THEMIS: variants seen among roughly 807,000 people sequenced by gnomAD.
THEMIS encodes protein THEMIS.
THEMIS carries 37 observed loss-of-function variants against 52.6 expected under a neutral mutation model. That is an observed-to-expected ratio of 0.70 (90% CI 0.54 to 0.93). The LOEUF (loss-of-function observed/expected upper bound fraction) is 0.93, where lower values mean the gene tolerates loss of function less well. THEMIS is among the 40% of genes least tolerant of loss of function. THEMIS has a pLI of 0.00. For missense variants in THEMIS, 808 were observed against 763.1 expected, an observed-to-expected ratio of 1.06 and a Z score of -0.69; for synonymous variants, 292 against 272.7, an observed-to-expected ratio of 1.07 and a Z score of -0.70.
At chr6:127,826,848 A>G (rs1749134505) in intron 3 of THEMIS, among the ~76,000 whole-genome samples, 1 of 152,170 alleles carries the variant, frequency 6.6e-6, no homozygotes, top group African/African-American at 2.4e-5. Context: ...TTTCTAAATC[A>G]TTAAATGTGT....
At chr6:127,897,705 G>A (rs166581) in intron 1 of THEMIS, among the ~76,000 whole-genome samples, 105,359 of 151,284 alleles carry the variant, frequency 0.7, 37,011 homozygotes, top group East Asian at 0.97. Context: ...AGTAAATTGG[G>A]TTACTTAAGA....
intron 4 of THEMIS, among the ~76,000 whole-genome samples, chr6:127,785,865 G>T (rs1242519902): frequency 6.6e-6 from 1 of 151,912 alleles, no homozygotes; most frequent in Non-Finnish European, 1.5e-5. Flanking sequence ...TAAATATTTT[G>T]AATTAGCCAT....
chr6:127,714,941 T>A (rs1294808468), intron 5 of THEMIS, among the ~76,000 whole-genome samples: 3 of 151,874 alleles, frequency 2.0e-5, no homozygotes, highest in Non-Finnish European at 4.4e-5. Flanking sequence ...AAGATTTCCA[T>A]GAAGAGCAAA....
intron 4 of THEMIS, among the ~76,000 whole-genome samples, chr6:127,811,382 T>C (rs557316420): frequency 6.6e-6 from 1 of 152,312 alleles, no homozygotes; most frequent in African/African-American, 2.4e-5. Context: ...TTTGTGTTGC[T>C]TAGTTCATGA....
chr6:127,808,829 T>C lies in THEMIS; in HGVS notation c.1758+4054A>G, dbSNP rs1777805711. On this transcript the variant is annotated intron_variant, in intron 4 of 5. Coordinates refer to ENST00000368248, the MANE Select transcript of THEMIS (RefSeq NM_001010923.3). ...TGCCAATCTTACCTTGGAAAACAAT[T>C]CTTTCTATTTCTCCTAGTTCCTGTA... Among the ~76,000 whole-genome samples, 2 of 152,194 alleles carry C rather than the reference T, an allele frequency of 1.3e-5. 1 individual carries two copies. Among genetic ancestry groups the C allele is most frequent in the South Asian group, 4.1e-4 (2 of 4,834 alleles).
At chr6:127,697,532 C>T in the THEMIS span, among the ~76,000 whole-genome samples, 1 of 152,182 alleles carries the variant, frequency 6.6e-6, no homozygotes, top group African/African-American at 2.4e-5. Flanking sequence ...AAACTAAATT[C>T]CTTAATGTTA....
At chr6:127,816,062 C>T (rs1007510978) in intron 3 of THEMIS, among the ~76,000 whole-genome samples, 14 of 152,160 alleles carry the variant, frequency 9.2e-5, no homozygotes, top group Admixed American at 1.3e-4. Flanking sequence ...TGCCTAAATC[C>T]ACTGAAATGA....
chr6:127,837,672 A>G (rs1368004705), intron 2 of THEMIS, among the ~76,000 whole-genome samples: 1 of 152,000 alleles, frequency 6.6e-6, no homozygotes, highest in Non-Finnish European at 1.5e-5. Context: ...ACAAATTTAA[A>G]ATAAAATTAA....
At chr6:127,829,447 A>T (rs1402763171) in intron 3 of THEMIS, 29 bp downstream of exon 3, 1 of 1,545,484 alleles carries the variant, frequency 6.5e-7, no homozygotes, top group Non-Finnish European at 8.8e-7. Flanking sequence ...GCTCATGCTC[A>T]TAGAACATCA....
At chr6:127,878,907 A>G (rs1780394846) in intron 1 of THEMIS, among the ~76,000 whole-genome samples, 1 of 152,232 alleles carries the variant, frequency 6.6e-6, no homozygotes, top group African/African-American at 2.4e-5. Context: ...AATGGCATCT[A>G]TCAGTAGTTA....
intron 4 of THEMIS, among the ~76,000 whole-genome samples, chr6:127,764,132 G>A (rs1288260073): frequency 6.6e-6 from 1 of 151,926 alleles, no homozygotes; most frequent in Non-Finnish European, 1.5e-5. Flanking sequence ...AAGGCTTTAT[G>A]ATTGGCAATA....
At chr6:127,903,789 G>T (rs184590567), upstream of THEMIS, among the ~76,000 whole-genome samples, 1 of 150,614 alleles carries the variant, frequency 6.6e-6, no homozygotes, top group Non-Finnish European at 1.5e-5. Context: ...GTGGGTAAAG[G>T]CCACTTGTTA....
At chr6:127,823,619 T>A (rs1163615937) in intron 3 of THEMIS, among the ~76,000 whole-genome samples, 2 of 152,114 alleles carry the variant, frequency 1.3e-5, no homozygotes, top group African/African-American at 4.8e-5. Context: ...GATATTTTTA[T>A]AAACTAATGA....
chr6:127,841,161 T>G (rs954302028), intron 2 of THEMIS, among the ~76,000 whole-genome samples: 6 of 152,142 alleles, frequency 3.9e-5, no homozygotes, highest in Admixed American at 2.0e-4. Flanking sequence ...ACTCTAGTGT[T>G]GTACATTGAT....
intron 4 of THEMIS, among the ~76,000 whole-genome samples, chr6:127,752,945 T>TTTTTAA (rs1483008794): frequency 1.6e-4 from 24 of 151,956 alleles, no homozygotes; most frequent in African/African-American, 5.8e-4. Flanking sequence ...CCGAATTCAA[T>TTTTTAA]AACATATTTT....
exon 1 of THEMIS, chr6:127,918,500 C>T (rs771131156): frequency 1.3e-5 from 2 of 152,166 alleles, no homozygotes; most frequent in Non-Finnish European, 2.9e-5. Context: ...GTGTTTTCCT[C>T]CTCTCCTGTA....
downstream of THEMIS, among the ~76,000 whole-genome samples, chr6:127,704,407 T>A (rs1773774085): frequency 2.6e-5 from 4 of 152,140 alleles, 1 homozygote; most frequent in South Asian, 8.3e-4. Flanking sequence ...GGTATCTAGA[T>A]ATATAGCTGA....
At chr6:127,885,965 T>C (rs903287922) in intron 1 of THEMIS, among the ~76,000 whole-genome samples, 1 of 152,062 alleles carries the variant, frequency 6.6e-6, no homozygotes, top group African/African-American at 2.4e-5. Flanking sequence ...ATCTACAGTT[T>C]CCCCATTGGA....
At chr6:127,906,470 A>G (rs575415981) in intron 1 of THEMIS, among the ~76,000 whole-genome samples, 179 of 152,142 alleles carry the variant, frequency 1.2e-3, no homozygotes, top group African/African-American at 3.8e-3. Context: ...TTAGTCACTC[A>G]TCTATATTAC....
Sources: gnomAD v4.1 joint callset for allele counts (sites outside exome capture counted in the v4.1 genomes callset) on GRCh38, gnomAD v4.1.1 for gene constraint, MANE v1.5 for transcripts, NCBI Gene and HGNC (gene_info 2026-07-23, HGNC 2026-07-21) for gene names.